The following STAT5A variants were observed in gnomAD, a reference collection of about 807,000 sequenced individuals.
STAT5A encodes the protein signal transducer and activator of transcription 5A, also known as epididymis secretory sperm binding protein.
In STAT5A, 26 loss-of-function variants were observed where a neutral mutation model predicts 100.2. The observed-to-expected ratio is 0.26, with a 90% CI of 0.19 to 0.36. STAT5A has a LOEUF of 0.36. Ranked by LOEUF, STAT5A falls within the 10% of genes least tolerant of loss-of-function variation. The pLI is 1.00. For missense variants in STAT5A, 634 were observed against 1,027.5 expected (o/e 0.62, Z 5.24); for synonymous variants, 330 against 424.3 (o/e 0.78, Z 2.73).
Position 42,310,813 on chromosome 17 carries a change from A to G in STAT5A, c.*144A>G. On this transcript the variant is annotated 3_prime_UTR_variant, in exon 19 of 19. Transcript: ENST00000590949. ...GTGTGTGTGTGTGTCCTTGTGCATG[A>G]GCTACGCCTGCCTCCCCTGTGCAGT... 2.2e-6 allele frequency: 3 copies of G among 1,392,214 alleles called. 1 individual carries two copies. Among genetic ancestry groups the G allele is most frequent in the Non-Finnish European group, 2.9e-6 (3 of 1,034,042 alleles). 86.2% of individuals were successfully genotyped at this position (1,392,214 alleles called of 1,614,324 possible).
intron 5 of STAT5A, among the ~76,000 whole-genome samples, chr17:42,296,837 T>C (rs974461580): frequency 6.6e-6 from 1 of 152,118 alleles, no homozygotes; most frequent in African/African-American, 2.4e-5. Flanking sequence ...CTATTTAAGC[T>C]CTCTTCCTAA....
rs1385082199 is a variant in STAT5A, at chr17:42,308,616, C to T, written c.2062+283C>T. On this transcript the variant is annotated intron_variant, in intron 16 of 18. Coordinates refer to ENST00000590949, the MANE Select transcript of STAT5A (RefSeq NM_001288718.2). The surrounding 1 kb of genome is among the most constrained non-coding windows in gnomAD (Gnocchi z 4.6). The stretch of plus-strand genomic sequence containing the variant: ...GGGTGGCAGCACTGTAGGGAGTGGC[C>T]GGGATCATTCGAGCCCACAGATAGT... 1 of 518,544 alleles carries T rather than the reference C, an allele frequency of 1.9e-6. No individual in the cohort carries two copies. Among genetic ancestry groups the T allele is most frequent in the Non-Finnish European group, 3.5e-6 (1 of 288,344 alleles). 32.1% of individuals were successfully genotyped at this position (518,544 alleles called of 1,614,324 possible).
chr17:42,297,855 G>C (rs1326423529), intron 5 of STAT5A, among the ~76,000 whole-genome samples: 1 of 151,984 alleles, frequency 6.6e-6, no homozygotes, highest in Non-Finnish European at 1.5e-5. Flanking sequence ...GTCTGTCCCA[G>C]CTTGTGCATC....
chr17:42,309,381 G>T lies in STAT5A; in HGVS notation c.2119G>T (p.Val707Leu), dbSNP rs769850987. Residue 707 changes from valine to leucine, a missense_variant, in exon 18 of 19, where the codon GTG becomes TTG. By Grantham distance (32) the Val-to-Leu change is conservative (BLOSUM62 1). Coordinates refer to ENST00000590949, the MANE Select transcript of STAT5A (RefSeq NM_001288718.2). ...TCTGTTCTCTTCCTTCTGCAGGTTT[G>T]TGAATGCATCTGCAGATGCTGGGGG... ...PQIKQVVPEF[V>L]NASADAGGSS... 3.1e-6 allele frequency: 5 copies of T among 1,612,624 alleles called. No individual in the cohort carries two copies. The highest frequency in any genetic ancestry group is 2.5e-6 in the Non-Finnish European group (3 of 1,179,956).
chr17:42,291,899 G>T, intron 3 of STAT5A, 73 bp from the exon 4 acceptor site: 3 of 1,535,446 alleles, frequency 2.0e-6, no homozygotes, highest in Non-Finnish European at 2.7e-6. Flanking sequence ...GGAGAGGAAG[G>T]GCTGGGCATA....
In STAT5A at chr17:42,308,689, C is replaced by T; in HGVS notation, c.2062+356C>T. On this transcript the variant is annotated intron_variant, in intron 16 of 18. Coordinates refer to ENST00000590949, the MANE Select transcript of STAT5A (RefSeq NM_001288718.2). This position sits in a 1 kb window ranked among gnomAD's most constrained non-coding sequence, Gnocchi z 4.6. Reference sequence around the variant, plus strand: ...CTGCTCTCCACACCCTGCTCACAAACCTTCCCCCGAGTGGAGTGCAGGCAG... The same window carrying T: ...CTGCTCTCCACACCCTGCTCACAAATCTTCCCCCGAGTGGAGTGCAGGCAG... 2.0e-6 allele frequency: 1 copy of T among 487,908 alleles called. No individual in the cohort carries two copies. Among genetic ancestry groups the T allele is most frequent in the Admixed American group, 3.4e-5 (1 of 29,008 alleles). 30.2% of individuals were successfully genotyped at this position (487,908 alleles called of 1,614,324 possible). A position where few individuals can be genotyped will look rare whatever the true frequency, so the allele number is the denominator to read the frequency against.
rs200134221 is a variant in STAT5A at position 42,299,781 on chromosome 17, C to G, written c.581C>G (p.Pro194Arg). The change falls in exon 6 of 19, where the codon CCC (proline) becomes CGC (arginine). Residue 194 changes from proline to arginine, a missense_variant. By Grantham distance (103) the Pro-to-Arg change is moderately radical. This residue lies in a region of STAT5A where 207 missense variants were observed against 256.6 expected (regional missense o/e 0.81). Coordinates refer to ENST00000590949, the MANE Select transcript of STAT5A (RefSeq NM_001288718.2). ...TTTGCCCAGCTGGCCCAGCTGAGCC[C>G]CCAGGAGCGTCTGAGCCGGGAGACG... ...AQFAQLAQLS[P>R]QERLSRETAL... 1 of 1,614,040 alleles carries G rather than the reference C, an allele frequency of 6.2e-7. No homozygotes were observed. Among genetic ancestry groups the G allele is most frequent in the Admixed American group, 1.7e-5 (1 of 60,008 alleles).
In STAT5A at chr17:42,305,769, C is replaced by A. The variant is rs2081022677; in HGVS notation, c.1473+67C>A. On this transcript the variant is annotated intron_variant, in intron 12 of 18. Transcript: ENST00000590949. Reference sequence around the variant, plus strand: ...TAGGACTCACCTGGGGTCAGCCCCACCCCTTGGGCCCCTGCTGAGTGGTCC... The same window carrying A: ...TAGGACTCACCTGGGGTCAGCCCCAACCCTTGGGCCCCTGCTGAGTGGTCC... The A allele has an allele frequency of 7.3e-6, 11 of 1,504,936 alleles. No individual in the cohort carries two copies. The South Asian group carries it at 1.0e-4, about 14-fold the overall frequency. 93.2% of individuals were successfully genotyped at this position (1,504,936 alleles called of 1,614,324 possible).
At chr17:42,301,150 T>A (rs544285642) in intron 8 of STAT5A, 125 bp from the exon 9 acceptor site, 1 of 1,461,814 alleles carries the variant, frequency 6.8e-7, no homozygotes, top group Non-Finnish European at 9.3e-7. Flanking sequence ...GGAACAGAGG[T>A]TGTGCCCGAG....
At chr17:42,298,818 G>C (rs1056369422) in intron 5 of STAT5A, among the ~76,000 whole-genome samples, 4 of 152,162 alleles carry the variant, frequency 2.6e-5, no homozygotes, top group African/African-American at 9.7e-5. Flanking sequence ...AGCTAGTGAG[G>C]CCTGACTTAT....
chr17:42,302,566 G>T (rs1473966098), intron 9 of STAT5A, among the ~76,000 whole-genome samples: 2 of 152,192 alleles, frequency 1.3e-5, no homozygotes, highest in Non-Finnish European at 2.9e-5. Flanking sequence ...CACCCACAGC[G>T]TATGCAGGGG....
At position 42,310,407 on chromosome 17, in the gene STAT5A, T is replaced by A; in HGVS notation, c.2223-100T>A. ...CCAGCCAGAACTGGTCCTGTTCTCA[T>A]GAGACGGGTTTGAGTGGAGAGCAGG... On this transcript the variant is annotated intron_variant, in intron 18 of 18. Coordinates refer to ENST00000590949, the MANE Select transcript of STAT5A (RefSeq NM_001288718.2). 4 of 1,365,556 alleles carry A rather than the reference T, an allele frequency of 2.9e-6. No individual in the cohort carries two copies. In the South Asian group the frequency reaches 5.0e-5, roughly 17 times the overall value. 84.6% of individuals were successfully genotyped at this position (1,365,556 alleles called of 1,614,324 possible). A position where few individuals can be genotyped will look rare whatever the true frequency, so the allele number is the denominator to read the frequency against.
In STAT5A at chr17:42,304,480, T is replaced by C. The variant is rs1024843145; in HGVS notation, c.1258-50T>C. 15 of 1,614,054 alleles carry C rather than the reference T, an allele frequency of 9.3e-6. No individual in the cohort carries two copies. In the African/African-American group the frequency reaches 1.3e-4, roughly 14 times the overall value. On this transcript the variant is annotated intron_variant, in intron 10 of 18. Coordinates refer to ENST00000590949, the MANE Select transcript of STAT5A (RefSeq NM_001288718.2). This position sits in a 1 kb window ranked among gnomAD's most constrained non-coding sequence, Gnocchi z 4.8. ...GGCAGGTCTGCCCAGAGCTGAGTCC[T>C]TGTAAGCAGCCGCCATCTCCCTGTT...
In STAT5A at chr17:42,300,851, A is replaced by G; in HGVS notation, c.970A>G (p.Ile324Val). The G allele has an allele frequency of 6.2e-7, 1 of 1,612,252 alleles. No homozygotes were observed. The highest frequency in any genetic ancestry group is 8.5e-7 in the Non-Finnish European group (1 of 1,179,230). ...GGTCAACGCCACCATCACGGACATT[A>G]TCTCAGCCCTGGTGACCAGGTGACT... ...AEVNATITDI[I>V]SALVTSTFII... The change falls in exon 8 of 19, where the codon ATC becomes GTC. Residue 324 changes from isoleucine (I) to valine (V), a missense_variant. Physicochemically the swap from Ile to Val is conservative, Grantham distance 29. This residue lies in a region of STAT5A where 98 missense variants were observed against 149.7 expected (regional missense o/e 0.65). Transcript: ENST00000590949.
chr17:42,289,782 G>T, intron 2 of STAT5A, 84 bp from the exon 3 acceptor site: 1 of 1,445,480 alleles, frequency 6.9e-7, no homozygotes. Context: ...TCATGAGCCT[G>T]GGGTTTCCAC....
In STAT5A at chr17:42,310,872, TTCAGATCATGGCATCCAA is replaced by T. The variant is rs2081074395; in HGVS notation, c.*204_*221del. On this transcript the variant is annotated 3_prime_UTR_variant, in exon 19 of 19. Transcript: ENST00000590949. The stretch of plus-strand genomic sequence containing the variant: ...GTGGCTGCAGCAGCGGTGGCCTCTT[TTCAGATCATGGCATCCAA>T]GAGTGCGCCGAGTCTGTCTCTGTCA... 1.2e-6 allele frequency: 1 copy of T among 863,430 alleles called. No individual in the cohort carries two copies. The highest frequency in any genetic ancestry group is 1.7e-5 in the African/African-American group (1 of 58,604). The allele number at this position is 863,430 out of a possible 1,614,324, so 53.5% of individuals were successfully genotyped here. A position where few individuals can be genotyped will look rare whatever the true frequency, so the allele number is the denominator to read the frequency against.
At chr17:42,293,332 G>C (rs2080888976) in intron 4 of STAT5A, among the ~76,000 whole-genome samples, 1 of 152,046 alleles carries the variant, frequency 6.6e-6, no homozygotes, top group Non-Finnish European at 1.5e-5. Flanking sequence ...AGCCTCCCAA[G>C]TAGCTAGGAT....
At chr17:42,307,013 C>T (rs1055427016) in intron 13 of STAT5A, among the ~76,000 whole-genome samples, 1 of 152,116 alleles carries the variant, frequency 6.6e-6, no homozygotes, top group African/African-American at 2.4e-5. Flanking sequence ...AGCCACCACG[C>T]CTGTGGCTCT....
intron 8 of STAT5A, 78 bp from the exon 9 acceptor site, chr17:42,301,197 C>T: frequency 1.3e-6 from 2 of 1,564,078 alleles, no homozygotes; most frequent in Non-Finnish European, 1.7e-6. Context: ...GGCAGCCCCA[C>T]CCCCACCACA....
Sources: gnomAD v4.1 joint callset for allele counts (sites outside exome capture counted in the v4.1 genomes callset) on GRCh38, gnomAD v4.1.1 for gene constraint, gnomAD v4.1.1 regional missense constraint, Gnocchi (gnomAD v3.1) non-coding constraint, MANE v1.5 for transcripts, NCBI Gene and HGNC (gene_info 2026-07-23, HGNC 2026-07-21) for gene names.